The following SLC44A5 variants were observed in gnomAD, a reference collection of about 807,000 sequenced individuals.
SLC44A5 encodes the protein choline transporter-like protein 5.
A neutral mutation model predicts 101.8 loss-of-function variants in SLC44A5; 57 were observed. That is an observed-to-expected ratio of 0.56 (90% CI 0.45 to 0.70). SLC44A5 has a LOEUF of 0.70. Among genes scored for constraint, SLC44A5 ranks in the 30% least tolerant of loss-of-function variants. The pLI, the probability that SLC44A5 is intolerant of heterozygous loss-of-function variation, is 0.00. For synonymous variants in SLC44A5, 281 were observed against 290.9 expected, an observed-to-expected ratio of 0.97 and a Z score of 0.35; for missense variants, 737 against 853.1, an observed-to-expected ratio of 0.86 and a Z score of 1.70.
chr1:75,569,599 A>G (rs1322206200), intron 1 of SLC44A5, among the ~76,000 whole-genome samples: 5 of 152,166 alleles, frequency 3.3e-5, no homozygotes, highest in Non-Finnish European at 7.3e-5. Flanking sequence ...TGTTCAGTAG[A>G]ACACAAGTTC....
intron 6 of SLC44A5, among the ~76,000 whole-genome samples, chr1:75,252,750 G>A (rs1304167177): frequency 2.0e-5 from 3 of 151,938 alleles, no homozygotes; most frequent in African/African-American, 4.8e-5. Context: ...GACCACAAGA[G>A]AATTGAAAAA....
intron 1 of SLC44A5, among the ~76,000 whole-genome samples, chr1:75,554,076 G>C (rs555450090): frequency 6.6e-6 from 1 of 152,198 alleles, no homozygotes; most frequent in East Asian, 1.9e-4. Flanking sequence ...TGATAAAAGT[G>C]TATGTAAGGC....
In SLC44A5 at chr1:75,218,611, A is replaced by C. The variant is rs1647011985; in HGVS notation, c.1408T>G (p.Phe470Val). The C allele has an allele frequency of 6.2e-7, 1 of 1,613,764 alleles. No individual in the cohort carries two copies. Among genetic ancestry groups the C allele is most frequent in the Non-Finnish European group, 8.5e-7 (1 of 1,179,820 alleles). ...NLFVFLWLIN[F>V]VIALGQCALA... ...GCGCACTGACCTAATGCAATGACGA[A>C]GTTTATAAGCCAGAGAAAGACAAAT... The change falls in exon 17 of 24, where the codon TTC becomes GTC. Residue 470 changes from phenylalanine to valine, a missense_variant. Transcript: ENST00000370859.
chr1:75,615,129 T>G (rs1411495266), upstream of SLC44A5, among the ~76,000 whole-genome samples: 1 of 152,010 alleles, frequency 6.6e-6, no homozygotes, highest in Non-Finnish European at 1.5e-5. Flanking sequence ...CCGCGAACTT[T>G]CCAACTTTGG....
chr1:75,392,917 T>G (rs1404649063), intron 3 of SLC44A5, among the ~76,000 whole-genome samples: 1 of 152,140 alleles, frequency 6.6e-6, no homozygotes, highest in East Asian at 1.9e-4. Context: ...AGCCAAACAC[T>G]GCATATTTTC....
chr1:75,719,888 A>G, the SLC44A5 span, among the ~76,000 whole-genome samples: 1 of 152,248 alleles, frequency 6.6e-6, no homozygotes, highest in African/African-American at 2.4e-5. Flanking sequence ...AGGCTCTGGG[A>G]CCATTGCAAA....
At chr1:75,392,459 T>A (rs1450353368) in intron 3 of SLC44A5, among the ~76,000 whole-genome samples, 2 of 151,834 alleles carry the variant, frequency 1.3e-5, no homozygotes, top group African/African-American at 4.8e-5. Context: ...AGCAATACCA[T>A]CTCACACCAG....
the SLC44A5 span, among the ~76,000 whole-genome samples, chr1:75,694,702 A>T: frequency 2.6e-5 from 4 of 152,200 alleles, no homozygotes; most frequent in Non-Finnish European, 5.9e-5. Context: ...ATTAAAATCT[A>T]TGTAAATGTG....
At chr1:75,503,355 T>C (rs1669072456) in intron 2 of SLC44A5, among the ~76,000 whole-genome samples, 1 of 151,994 alleles carries the variant, frequency 6.6e-6, no homozygotes, top group South Asian at 2.1e-4. Flanking sequence ...GGGGTCAGAT[T>C]TCCCCTTTCT....
chr1:75,605,729 C>CA (rs1675285584), intron 1 of SLC44A5, among the ~76,000 whole-genome samples: 1 of 151,678 alleles, frequency 6.6e-6, no homozygotes, highest in Non-Finnish European at 1.5e-5. Flanking sequence ...AAAGCAAAGG[C>CA]AAAAAAGAAA....
intron 3 of SLC44A5, chr1:75,353,964 ATTC>A (rs1217379188): frequency 3.3e-6 from 1 of 298,840 alleles, no homozygotes; most frequent in African/African-American, 2.3e-5. Context: ...CTTTCCAAGG[ATTC>A]TTCTTCCACA....
intron 2 of SLC44A5, among the ~76,000 whole-genome samples, chr1:75,536,366 G>A (rs1337303904): frequency 2.0e-5 from 3 of 151,880 alleles, no homozygotes; most frequent in Non-Finnish European, 2.9e-5. Context: ...TTGGGAGGCC[G>A]AGGCGGGTGG....
chr1:75,394,331 C>A (rs532995879), intron 3 of SLC44A5, among the ~76,000 whole-genome samples: 1 of 152,098 alleles, frequency 6.6e-6, no homozygotes, highest in Non-Finnish European at 1.5e-5. Context: ...AGATACAACT[C>A]CAGTTGGAGT....
intron 2 of SLC44A5, among the ~76,000 whole-genome samples, chr1:75,468,356 G>A (rs1421048478): frequency 6.6e-6 from 1 of 152,186 alleles, no homozygotes; most frequent in Non-Finnish European, 1.5e-5. Flanking sequence ...GTATCAAAGA[G>A]ATATCTGCAT....
chr1:75,631,485 A>T, the SLC44A5 span, among the ~76,000 whole-genome samples: 4 of 142,154 alleles, frequency 2.8e-5, no homozygotes, highest in African/African-American at 1.1e-4. Flanking sequence ...CCATCCTCTC[A>T]CTTCTGTCTC....
At chr1:75,510,333 A>G (rs1318313341) in intron 2 of SLC44A5, among the ~76,000 whole-genome samples, 1 of 152,226 alleles carries the variant, frequency 6.6e-6, no homozygotes, top group Non-Finnish European at 1.5e-5. Context: ...TTCTAGGAAA[A>G]TAAGAAAAAT....
chr1:75,702,148 A>G, the SLC44A5 span, among the ~76,000 whole-genome samples: 4 of 152,254 alleles, frequency 2.6e-5, no homozygotes, highest in South Asian at 2.1e-4. Context: ...ACAGAATTGG[A>G]AAAAAACTAC....
chr1:75,391,166 C>A (rs1390202511), intron 3 of SLC44A5, among the ~76,000 whole-genome samples: 2 of 151,958 alleles, frequency 1.3e-5, no homozygotes, highest in Non-Finnish European at 2.9e-5. Context: ...ACAAGGAGAA[C>A]TACCAAACAC....
chr1:75,219,460 A>G (rs1647031525), intron 15 of SLC44A5, 116 bp from the exon 16 acceptor site: 1 of 726,338 alleles, frequency 1.4e-6, no homozygotes, highest in Non-Finnish European at 2.4e-6. Context: ...AATGCCTAAT[A>G]TTTTAATAAT....
Sources: allele counts gnomAD v4.1 joint callset (sites outside exome capture counted in the v4.1 genomes callset), GRCh38; gene constraint gnomAD v4.1.1; transcripts MANE v1.5; gene names NCBI Gene and HGNC (gene_info 2026-07-23, HGNC 2026-07-21).